Variants in SCGN observed in about 807,000 individuals in gnomAD.
SCGN encodes the protein secretagogin, EF-hand calcium binding protein, also known as secretagogin.
SCGN carries 30 observed loss-of-function variants against 39.7 expected under a neutral mutation model. The observed-to-expected ratio is 0.76, with a 90% confidence interval of 0.57 to 1.03. The LOEUF is 1.03. Among genes scored for constraint, SCGN ranks in the 50% least tolerant of loss-of-function variants. The probability of loss-of-function intolerance (pLI) is 0.00; values close to 1 mark genes in which losing one functional copy is unlikely to be tolerated. For synonymous variants in SCGN, 106 were observed against 114.1 expected (o/e 0.93, Z 0.45); for missense variants, 353 against 349.4 (o/e 1.01, Z -0.08).
chr6:25,678,206 G>C (rs1759590427), intron 6 of SCGN, among the ~76,000 whole-genome samples: 1 of 152,034 alleles, frequency 6.6e-6, no homozygotes, highest in African/African-American at 2.4e-5. Context: ...GCGAGTCTTG[G>C]AAAAGCAGTG....
intron 4 of SCGN, among the ~76,000 whole-genome samples, chr6:25,667,245 C>T (rs2151378585): frequency 6.6e-6 from 1 of 152,144 alleles, no homozygotes; most frequent in South Asian, 2.1e-4. Flanking sequence ...TCACATGGCC[C>T]TATGGAGGCT....
chr6:25,669,252 C>T (rs373028227), intron 4 of SCGN, among the ~76,000 whole-genome samples: 1 of 152,236 alleles, frequency 6.6e-6, no homozygotes, highest in Non-Finnish European at 1.5e-5. Context: ...CAAAAGGACA[C>T]TTTTGATGAA....
At chr6:25,663,148 G>A (rs1760368149) in intron 3 of SCGN, among the ~76,000 whole-genome samples, 1 of 152,206 alleles carries the variant, frequency 6.6e-6, no homozygotes, top group African/African-American at 2.4e-5. Context: ...GAGTCTGTGA[G>A]TCTAAGGAGC....
At chr6:25,680,839 A>G (rs923493152) in intron 6 of SCGN, among the ~76,000 whole-genome samples, 1 of 152,216 alleles carries the variant, frequency 6.6e-6, no homozygotes, top group African/African-American at 2.4e-5. Flanking sequence ...AGTGGTGAGA[A>G]TAGGTTTTCA....
chr6:25,675,968 CCTAATATACA>C (rs1160981685), intron 6 of SCGN, among the ~76,000 whole-genome samples: 4 of 152,174 alleles, frequency 2.6e-5, no homozygotes, highest in Non-Finnish European at 5.9e-5. Context: ...GAATTGCATG[CCTAATATACA>C]CCTTCAACAT....
At chr6:25,696,370 C>T (rs1189740244) in intron 10 of SCGN, among the ~76,000 whole-genome samples, 2 of 151,810 alleles carry the variant, frequency 1.3e-5, no homozygotes, top group African/African-American at 4.8e-5. Context: ...ATTACAATAT[C>T]ATAGTATATT....
At chr6:25,683,454 T>G (rs953457340) in intron 7 of SCGN, among the ~76,000 whole-genome samples, 3 of 152,216 alleles carry the variant, frequency 2.0e-5, no homozygotes, top group African/African-American at 7.2e-5. Flanking sequence ...CTGTGTGCCC[T>G]GGGAGGCTGG....
At chr6:25,676,290 A>G (rs998647811) in intron 6 of SCGN, among the ~76,000 whole-genome samples, 1 of 152,144 alleles carries the variant, frequency 6.6e-6, no homozygotes, top group African/African-American at 2.4e-5. Flanking sequence ...AGCCAGAGTG[A>G]TCCTGTTATA....
At chr6:25,653,953 C>T (rs1249593213) in intron 2 of SCGN, among the ~76,000 whole-genome samples, 1 of 152,102 alleles carries the variant, frequency 6.6e-6, no homozygotes, top group Non-Finnish European at 1.5e-5. Context: ...AGAAAACAAC[C>T]AGCATACTCA....
At chr6:25,666,586 C>T (rs56026359) in intron 4 of SCGN, among the ~76,000 whole-genome samples, 21,776 of 152,132 alleles carry the variant, frequency 0.14, 1,608 homozygotes, top group Non-Finnish European at 0.16. Context: ...AGGCACTGTT[C>T]TAGGTGCTGC....
intron 2 of SCGN, among the ~76,000 whole-genome samples, chr6:25,658,267 C>A (rs149603640): frequency 0.015 from 2,219 of 151,758 alleles, 48 homozygotes; most frequent in African/African-American, 0.043. Context: ...TCTCAATCTC[C>A]TGCCCTCGTG....
In SCGN at chr6:25,669,192, T is replaced by C. The variant is rs535290644; in HGVS notation, c.337-319T>C. 3.3e-5 allele frequency among the ~76,000 whole-genome samples: 5 copies of C among 152,306 alleles called. No individual in the cohort carries two copies. In the East Asian group the frequency reaches 9.6e-4, roughly 29 times the overall value. ...TGAGGAGGCTTCTTAGTTTGTCATA[T>C]TGCCCCAAATTGAAGTTCATCCCTT... On this transcript the variant is annotated intron_variant, in intron 4 of 10. Coordinates refer to ENST00000377961, the MANE Select transcript of SCGN (RefSeq NM_006998.4).
intron 10 of SCGN, among the ~76,000 whole-genome samples, chr6:25,700,043 T>C (rs956188337): frequency 1.3e-5 from 2 of 151,848 alleles, no homozygotes; most frequent in East Asian, 3.9e-4. Context: ...GTCAGGAGTT[T>C]AAGACCAGCC....
Position 25,690,921 on chromosome 6 carries a change from T to A in SCGN, c.634-135T>A, listed in dbSNP as rs1759766401. 11 of 624,688 alleles carry A rather than the reference T, an allele frequency of 1.8e-5. No individual in the cohort carries two copies. The South Asian group carries it at 2.3e-4, about 13-fold the overall frequency. 38.7% of individuals were successfully genotyped at this position (624,688 alleles called of 1,614,324 possible). ...ACATTCATGTCCTGCATGGAGAACA[T>A]AAATTGGAACATGCCACTTCTAAAT... On this transcript the variant is annotated intron_variant, in intron 9 of 10. Transcript: ENST00000377961.
intron 2 of SCGN, among the ~76,000 whole-genome samples, chr6:25,659,196 C>T (rs1261708217): frequency 6.6e-6 from 1 of 152,192 alleles, no homozygotes; most frequent in Non-Finnish European, 1.5e-5. Flanking sequence ...GCTTTCAAAC[C>T]TTCAGGGTCT....
At position 25,682,735 on chromosome 6, in the gene SCGN, CAGG is replaced by C. The variant is rs373145821; in HGVS notation, c.527+730_527+732del. 3.1e-3 allele frequency among the ~76,000 whole-genome samples: 476 copies of C among 152,250 alleles called. 1 individual carries two copies. Among genetic ancestry groups the C allele is most frequent in the African/African-American group, 0.011 (444 of 41,542 alleles). On this transcript the variant is annotated intron_variant, in intron 7 of 10. Coordinates refer to ENST00000377961, the MANE Select transcript of SCGN (RefSeq NM_006998.4). The stretch of plus-strand genomic sequence containing the variant: ...GGCAGGGCTCAATGGTAATTGTAAG[CAGG>C]GCAGCAGTTACAGGCTGCAGCGCAG...
intron 7 of SCGN, among the ~76,000 whole-genome samples, chr6:25,687,567 A>C (rs552999601): frequency 6.6e-6 from 1 of 152,100 alleles, no homozygotes; most frequent in African/African-American, 2.4e-5. Flanking sequence ...TATTAGCTCT[A>C]GTAGTTTTTT....
At chr6:25,655,465 C>G (rs1760210729) in intron 2 of SCGN, among the ~76,000 whole-genome samples, 1 of 152,092 alleles carries the variant, frequency 6.6e-6, no homozygotes, top group East Asian at 1.9e-4. Flanking sequence ...TATCATTGCC[C>G]CTATCTCAGA....
chr6:25,670,912 A>T (rs1403131158), intron 6 of SCGN, among the ~76,000 whole-genome samples: 1 of 152,182 alleles, frequency 6.6e-6, no homozygotes, highest in Non-Finnish European at 1.5e-5. Context: ...CTCCTCCCCT[A>T]TTCCTTTCTC....
Sources: gnomAD v4.1 joint callset for allele counts (sites outside exome capture counted in the v4.1 genomes callset) on GRCh38, gnomAD v4.1.1 for gene constraint, MANE v1.5 for transcripts, NCBI Gene and HGNC (gene_info 2026-07-23, HGNC 2026-07-21) for gene names.